The following CEACAM6 variants were observed in gnomAD, a reference collection of about 807,000 sequenced individuals.
CEACAM6 encodes cell adhesion molecule CEACAM6.
A neutral mutation model predicts 32.4 loss-of-function variants in CEACAM6; 21 were observed. The observed-to-expected ratio is 0.65, with a 90% CI of 0.46 to 0.93. The LOEUF (loss-of-function observed/expected upper bound fraction) is 0.93, where lower values mean the gene tolerates loss of function less well. Among genes scored for constraint, CEACAM6 ranks in the 40% least tolerant of loss-of-function variants. CEACAM6 has a pLI of 0.00. For synonymous variants in CEACAM6, 184 were observed against 174.4 expected, an observed-to-expected ratio of 1.06 and a Z score of -0.43; for missense variants, 406 against 432.2, an observed-to-expected ratio of 0.94 and a Z score of 0.54.
At position 41,762,014 on chromosome 19, in the gene CEACAM6, G is replaced by A. The variant is rs782253878; in HGVS notation, c.749G>A (p.Arg250His). 4.3e-5 allele frequency: 69 copies of A among 1,613,988 alleles called. No homozygotes were observed. The highest frequency in any genetic ancestry group is 1.4e-4 in the South Asian group (13 of 91,086). Residue 250 changes from arginine (R) to histidine (H), a missense_variant, in exon 4 of 6, where the codon CGT becomes CAT. Coordinates refer to ENST00000199764, the MANE Select transcript of CEACAM6 (RefSeq NM_002483.7). The part of the protein sequence containing the change: ...PTISPSKANY[R>H]PGENLNLSCH... Reference sequence around the variant, plus strand: ...ATTTCCCCCTCAAAGGCCAATTACCGTCCAGGGGAAAATCTGAACCTCTCC... The same window carrying A: ...ATTTCCCCCTCAAAGGCCAATTACCATCCAGGGGAAAATCTGAACCTCTCC...
rs1399204792 is a variant in CEACAM6 at position 41,771,957 on chromosome 19, C to T, written c.*1196C>T. On this transcript the variant is annotated 3_prime_UTR_variant, in exon 6 of 6. Coordinates refer to ENST00000199764, the MANE Select transcript of CEACAM6 (RefSeq NM_002483.7). Reference sequence around the variant, plus strand: ...AAAACCAATTTAAAAAAAAAAAGAACACAGGAGATTCCAGTCTACTTGAGT... The same window carrying T: ...AAAACCAATTTAAAAAAAAAAAGAATACAGGAGATTCCAGTCTACTTGAGT... 1.3e-5 allele frequency: 2 copies of T among 151,744 alleles called. No homozygotes were observed. Among genetic ancestry groups the T allele is most frequent in the Non-Finnish European group, 2.9e-5 (2 of 67,908 alleles). The allele number at this position is 151,744 out of a possible 1,614,324, so 9.4% of individuals were successfully genotyped here.
At chr19:41,759,099 G>A (rs1383483054) in intron 2 of CEACAM6, among the ~76,000 whole-genome samples, 1 of 152,166 alleles carries the variant, frequency 6.6e-6, no homozygotes, top group Non-Finnish European at 1.5e-5. Context: ...ATTGACTTCC[G>A]TCCTCATCTT....
At chr19:41,768,403 C>A (rs1256528763) in intron 5 of CEACAM6, among the ~76,000 whole-genome samples, 1 of 152,184 alleles carries the variant, frequency 6.6e-6, no homozygotes, top group Non-Finnish European at 1.5e-5. Flanking sequence ...TTTCAGAGAG[C>A]ACAAGTTTGG....
At position 41,771,192 on chromosome 19, in the gene CEACAM6, G is replaced by A. The variant is rs544622473; in HGVS notation, c.*431G>A. The A allele has an allele frequency of 1.3e-5, 2 of 152,276 alleles. No homozygotes were observed. Among genetic ancestry groups the A allele is most frequent in the South Asian group, 4.1e-4 (2 of 4,828 alleles). 9.4% of individuals were successfully genotyped at this position (152,276 alleles called of 1,614,324 possible). On this transcript the variant is annotated 3_prime_UTR_variant, in exon 6 of 6. Transcript: ENST00000199764. ...TAGCTTCAGAGGGTAACTTAACAGA[G>A]TGTCAGATCTATCTTGTCAATCCCA...
At chr19:41,769,391 A>C (rs1410037023) in intron 5 of CEACAM6, among the ~76,000 whole-genome samples, 2 of 152,230 alleles carry the variant, frequency 1.3e-5, no homozygotes, top group Non-Finnish European at 2.9e-5. Context: ...TCATACCATT[A>C]GACTATTTAA....
intron 2 of CEACAM6, among the ~76,000 whole-genome samples, chr19:41,757,374 C>T (rs1376423772): frequency 6.6e-6 from 1 of 152,078 alleles, no homozygotes; most frequent in African/African-American, 2.4e-5. Flanking sequence ...GTCCCTGGTT[C>T]CTGATTCCAG....
At chr19:41,768,616 A>G (rs956792188) in intron 5 of CEACAM6, among the ~76,000 whole-genome samples, 13 of 152,134 alleles carry the variant, frequency 8.5e-5, no homozygotes, top group African/African-American at 3.1e-4. Context: ...GCTGTTGGGT[A>G]CACCTCCCAG....
rs575485675 is a variant in CEACAM6, at chr19:41,757,633, G to A, written c.424+674G>A. Among the ~76,000 whole-genome samples, 4 of 152,240 alleles carry A rather than the reference G, an allele frequency of 2.6e-5. No homozygotes were observed. The South Asian group carries it at 8.3e-4, about 32-fold the overall frequency. On this transcript the variant is annotated intron_variant, in intron 2 of 5. Transcript: ENST00000199764. ...CCCTGGGGGACACAGGTTACTCCCT[G>A]GGAAGTTCAGAGTCCCCAAGGGGAG...
chr19:41,756,815 G>T lies in CEACAM6; in HGVS notation c.280G>T (p.Ala94Ser), dbSNP rs782518779. Residue 94 changes from alanine (A) to serine (S), a missense_variant, in exon 2 of 6, where the codon GCA becomes TCA. Transcript: ENST00000199764. Reference sequence around the variant, plus strand: ...AACTCAACAAGCTACCCCAGGGCCCGCATACAGTGGTCGAGAGACAATATA... The same window carrying T: ...AACTCAACAAGCTACCCCAGGGCCCTCATACAGTGGTCGAGAGACAATATA... ...IGTQQATPGP[A>S]YSGRETIYPN... 3 of 1,614,080 alleles carry T rather than the reference G, an allele frequency of 1.9e-6. No homozygotes were observed. The highest frequency in any genetic ancestry group is 1.7e-5 in the Admixed American group (1 of 60,010).
chr19:41,763,694 G>A (rs2072940792), intron 4 of CEACAM6, among the ~76,000 whole-genome samples: 2 of 152,170 alleles, frequency 1.3e-5, no homozygotes, highest in South Asian at 2.1e-4. Context: ...GGACTTGGGT[G>A]GACTGAGGGG....
At chr19:41,770,045 G>A (rs2072984224) in intron 5 of CEACAM6, among the ~76,000 whole-genome samples, 1 of 151,402 alleles carries the variant, frequency 6.6e-6, no homozygotes, top group African/African-American at 2.4e-5. Context: ...CCTTGGTTTG[G>A]CTTCCTCATG....
At chr19:41,762,292 A>G (rs1296499503) in intron 4 of CEACAM6, 69 bp downstream of exon 4, 1 of 1,553,914 alleles carries the variant, frequency 6.4e-7, no homozygotes, top group African/African-American at 1.4e-5. Context: ...AAGAGCCAGG[A>G]AGAAATTTTC....
intron 5 of CEACAM6, among the ~76,000 whole-genome samples, chr19:41,768,004 A>T (rs901006102): frequency 1.3e-5 from 2 of 152,222 alleles, no homozygotes; most frequent in East Asian, 3.8e-4. Context: ...AATCTAACAG[A>T]TTATAAGCCA....
chr19:41,755,595 C>A lies in CEACAM6; in HGVS notation c.-44C>A. On this transcript the variant is annotated 5_prime_UTR_variant, in exon 1 of 6. Coordinates refer to ENST00000199764, the MANE Select transcript of CEACAM6 (RefSeq NM_002483.7). ...CCCTGACCAGAGCATTCCTGGAGCT[C>A]AAGCTCCTCTACAAAGAGGTGGACA... 1 of 1,587,488 alleles carries A rather than the reference C, an allele frequency of 6.3e-7. No homozygotes were observed. Among genetic ancestry groups the A allele is most frequent in the Non-Finnish European group, 8.6e-7 (1 of 1,156,338 alleles).
At chr19:41,765,011 T>C (rs1175504587) in intron 4 of CEACAM6, among the ~76,000 whole-genome samples, 6 of 152,208 alleles carry the variant, frequency 3.9e-5, no homozygotes, top group African/African-American at 1.4e-4. Context: ...GTTTTGAAGA[T>C]TTAATGTAAC....
At chr19:41,758,252 G>A (rs917470090) in intron 2 of CEACAM6, among the ~76,000 whole-genome samples, 2 of 152,146 alleles carry the variant, frequency 1.3e-5, no homozygotes, top group Non-Finnish European at 2.9e-5. Context: ...ACTCCCATGG[G>A]AGGATAAAGG....
At chr19:41,759,799 G>A (rs1168807472) in intron 2 of CEACAM6, among the ~76,000 whole-genome samples, 3 of 152,068 alleles carry the variant, frequency 2.0e-5, no homozygotes, top group African/African-American at 4.8e-5. Flanking sequence ...ATAACATGAG[G>A]TCTAAACTCC....
At chr19:41,762,302 CT>C in intron 4 of CEACAM6, 79 bp downstream of exon 4, 2 of 1,533,552 alleles carry the variant, frequency 1.3e-6, no homozygotes, top group Non-Finnish European at 8.8e-7. Flanking sequence ...AAGAAATTTT[CT>C]TTCCCAACCT....
intron 2 of CEACAM6, among the ~76,000 whole-genome samples, chr19:41,759,717 T>C (rs1568725212): frequency 6.6e-6 from 1 of 152,212 alleles, no homozygotes; most frequent in Non-Finnish European, 1.5e-5. Flanking sequence ...AGGACATTAG[T>C]AACGATCTCC....
Sources: gnomAD v4.1 joint callset for allele counts (sites outside exome capture counted in the v4.1 genomes callset) on GRCh38, gnomAD v4.1.1 for gene constraint, MANE v1.5 for transcripts, NCBI Gene and HGNC (gene_info 2026-07-23, HGNC 2026-07-21) for gene names.